Variants in FUT9 observed in about 807,000 individuals in gnomAD.
FUT9 encodes 4-galactosyl-N-acetylglucosaminide 3-alpha-L-fucosyltransferase 9.
In FUT9, 15 loss-of-function variants were observed where a neutral mutation model predicts 29.7. That is an observed-to-expected ratio of 0.51 (90% CI 0.34 to 0.78). FUT9 has a LOEUF of 0.78. Ranked by LOEUF, FUT9 falls within the 30% of genes least tolerant of loss-of-function variation. The pLI, the probability that FUT9 is intolerant of heterozygous loss-of-function variation, is 0.01. For missense variants in FUT9, 319 were observed against 425.4 expected (o/e 0.75, Z 2.20); for synonymous variants, 169 against 153.7 (o/e 1.10, Z -0.74).
At chr6:96,020,498 C>T (rs968728010) in intron 1 of FUT9, among the ~76,000 whole-genome samples, 1 of 152,014 alleles carries the variant, frequency 6.6e-6, no homozygotes, top group African/African-American at 2.4e-5. Flanking sequence ...TTCAAGCCCA[C>T]AGATGAAAAT....
intron 2 of FUT9, among the ~76,000 whole-genome samples, chr6:96,191,506 A>G (rs968059060): frequency 1.3e-5 from 2 of 152,196 alleles, no homozygotes; most frequent in African/African-American, 4.8e-5. Flanking sequence ...TCCTGGACAC[A>G]TACACCCTCC....
At chr6:96,054,127 T>C (rs1287767444) in intron 1 of FUT9, among the ~76,000 whole-genome samples, 1 of 152,146 alleles carries the variant, frequency 6.6e-6, no homozygotes, top group Non-Finnish European at 1.5e-5. Flanking sequence ...TGACCATATT[T>C]CTTAAGGTGT....
chr6:96,105,508 C>T (rs1414837636), intron 1 of FUT9, among the ~76,000 whole-genome samples: 1 of 152,124 alleles, frequency 6.6e-6, no homozygotes, highest in Non-Finnish European at 1.5e-5. Flanking sequence ...TTTGCTAGGA[C>T]TAGTATGTCT....
intron 1 of FUT9, among the ~76,000 whole-genome samples, chr6:96,106,611 T>A (rs2127958861): frequency 6.6e-6 from 1 of 152,292 alleles, no homozygotes; most frequent in African/African-American, 2.4e-5. Context: ...AGATGAGGAA[T>A]TAAAACACCA....
rs543515389 is a variant in FUT9 at position 96,204,962 on chromosome 6, T to C, written c.*727T>C. 1.2e-5 allele frequency: 2 copies of C among 162,692 alleles called. No individual in the cohort carries two copies. The highest frequency in any genetic ancestry group is 2.9e-5 in the Non-Finnish European group (2 of 68,054). The allele number at this position is 162,692 out of a possible 1,614,324, so 10.1% of individuals were successfully genotyped here. A position where few individuals can be genotyped will look rare whatever the true frequency, so the allele number is the denominator to read the frequency against. ...GTGATTTTCAGCACCTGGGAAGTAA[T>C]CCCAATAATACTTTAGAAAATCTAA... On this transcript the variant is annotated 3_prime_UTR_variant, in exon 3 of 3. Transcript: ENST00000302103.
chr6:96,062,824 TCAA>T (rs1770900178), intron 1 of FUT9, among the ~76,000 whole-genome samples: 1 of 151,988 alleles, frequency 6.6e-6, no homozygotes, highest in African/African-American at 2.4e-5. Context: ...AAAACAAAGA[TCAA>T]CAACAAAACA....
At chr6:96,191,226 G>T (rs574232536) in intron 2 of FUT9, among the ~76,000 whole-genome samples, 151 of 152,120 alleles carry the variant, frequency 9.9e-4, no homozygotes, top group African/African-American at 3.4e-3. Flanking sequence ...ATATAACTAA[G>T]ATCAGAGCAG....
intron 2 of FUT9, among the ~76,000 whole-genome samples, chr6:96,142,610 G>A (rs1772484942): frequency 6.6e-6 from 1 of 152,146 alleles, no homozygotes; most frequent in South Asian, 2.1e-4. Context: ...TCTCTTTTGT[G>A]TGTGTCCCAC....
In FUT9 at chr6:96,113,599, TA is replaced by T. The variant is rs577587621; in HGVS notation, c.-97-438del. Among the ~76,000 whole-genome samples, 7 of 148,912 alleles carry T rather than the reference TA, an allele frequency of 4.7e-5. No homozygotes were observed. The South Asian group carries it at 1.6e-3, about 34-fold the overall frequency. ...GGCTGGGTGCGGTGGCTCACGCCTG[TA>T]ATCCCAGCACTTTGGGAGGCCGAGG... On this transcript the variant is annotated intron_variant, in intron 1 of 2. Transcript: ENST00000302103.
chr6:96,024,106 A>C (rs1770120998), intron 1 of FUT9, among the ~76,000 whole-genome samples: 1 of 151,894 alleles, frequency 6.6e-6, no homozygotes, highest in South Asian at 2.1e-4. Flanking sequence ...TGCCTTTCTC[A>C]CTGTGAACAC....
At chr6:96,041,958 C>A (rs930178788) in intron 1 of FUT9, among the ~76,000 whole-genome samples, 1 of 152,134 alleles carries the variant, frequency 6.6e-6, no homozygotes, top group African/African-American at 2.4e-5. Context: ...CATGTTTTTG[C>A]AACTAATGAT....
chr6:96,152,686 G>A (rs192701212), intron 2 of FUT9, among the ~76,000 whole-genome samples: 1 of 152,296 alleles, frequency 6.6e-6, no homozygotes, highest in Non-Finnish European at 1.5e-5. Flanking sequence ...TAGGGTCACA[G>A]CACACTGATT....
intron 1 of FUT9, among the ~76,000 whole-genome samples, chr6:96,044,656 C>T (rs1055723564): frequency 2.6e-5 from 4 of 152,024 alleles, no homozygotes; most frequent in African/African-American, 9.7e-5. Flanking sequence ...TTTTTTCCCC[C>T]TGATTTAAAC....
chr6:96,113,331 G>T (rs879520469), intron 1 of FUT9, among the ~76,000 whole-genome samples: 3 of 151,460 alleles, frequency 2.0e-5, no homozygotes, highest in Admixed American at 6.6e-5. Flanking sequence ...TTCCATTTCC[G>T]AGGTTCAAGC....
At chr6:96,065,870 G>C (rs1337662553) in intron 1 of FUT9, among the ~76,000 whole-genome samples, 1 of 152,116 alleles carries the variant, frequency 6.6e-6, no homozygotes, top group African/African-American at 2.4e-5. Context: ...GATTGTTGTC[G>C]CAAGATAATG....
At chr6:96,026,338 A>T (rs1036686667) in intron 1 of FUT9, among the ~76,000 whole-genome samples, 13 of 151,676 alleles carry the variant, frequency 8.6e-5, no homozygotes, top group African/African-American at 2.4e-5. Context: ...AAGATAGAAA[A>T]TAAGAAGGAA....
intron 1 of FUT9, among the ~76,000 whole-genome samples, chr6:96,079,435 T>C (rs1771198912): frequency 6.6e-6 from 1 of 152,238 alleles, no homozygotes; most frequent in Non-Finnish European, 1.5e-5. Flanking sequence ...ATTGTTGAAA[T>C]CTTTCAGGTG....
At chr6:96,091,498 T>G (rs1318988218) in intron 1 of FUT9, among the ~76,000 whole-genome samples, 1 of 152,084 alleles carries the variant, frequency 6.6e-6, no homozygotes, top group Non-Finnish European at 1.5e-5. Flanking sequence ...ATATTGCATA[T>G]GAGCCCCATA....
chr6:96,104,523 A>AT (rs1015830086), intron 1 of FUT9, among the ~76,000 whole-genome samples: 14 of 151,912 alleles, frequency 9.2e-5, no homozygotes, highest in South Asian at 2.1e-4. Context: ...AGTGTAAATT[A>AT]TTTTTTTTGT....
Sources: gnomAD v4.1 joint callset for allele counts (sites outside exome capture counted in the v4.1 genomes callset) on GRCh38, gnomAD v4.1.1 for gene constraint, MANE v1.5 for transcripts, NCBI Gene and HGNC (gene_info 2026-07-23, HGNC 2026-07-21) for gene names.